Variants in PRKG1 observed in about 807,000 individuals in gnomAD.
PRKG1 encodes the protein cGMP-dependent protein kinase 1.
PRKG1 carries 35 observed loss-of-function variants against 88.1 expected under a neutral mutation model. That is an observed-to-expected ratio of 0.40 (90% CI 0.30 to 0.53). PRKG1 has a LOEUF of 0.53. PRKG1 is among the 20% of genes least tolerant of loss of function. The pLI, the probability that PRKG1 is intolerant of heterozygous loss-of-function variation, is 0.59. For missense variants in PRKG1, 540 were observed against 839.8 expected (o/e 0.64, Z 4.41); for synonymous variants, 303 against 292.5 (o/e 1.04, Z -0.37).
intron 8 of PRKG1, among the ~76,000 whole-genome samples, chr10:52,150,864 G>A (rs1163244631): frequency 6.6e-6 from 1 of 152,048 alleles, no homozygotes. Context: ...TTTCCCAGAA[G>A]CAGTTTTTAA....
chr10:52,039,530 C>G (rs944959008), intron 5 of PRKG1, among the ~76,000 whole-genome samples: 1 of 152,064 alleles, frequency 6.6e-6, no homozygotes, highest in African/African-American at 2.4e-5. Context: ...ACAGGGGATG[C>G]GATGGCTTGG....
chr10:51,468,176 T>G (rs1378334017), intron 3 of PRKG1, among the ~76,000 whole-genome samples: 2 of 151,890 alleles, frequency 1.3e-5, no homozygotes, highest in Non-Finnish European at 2.9e-5. Flanking sequence ...TTTAAGAAAT[T>G]TTTACATGTC....
intron 8 of PRKG1, among the ~76,000 whole-genome samples, chr10:52,148,213 C>A (rs79022061): frequency 6.6e-6 from 1 of 152,084 alleles, no homozygotes; most frequent in Non-Finnish European, 1.5e-5. Flanking sequence ...ATTGGCAATG[C>A]CTGGAGACAT....
chr10:51,231,711 T>C (rs1364506073), intron 2 of PRKG1, among the ~76,000 whole-genome samples: 1 of 129,856 alleles, frequency 7.7e-6, no homozygotes, highest in African/African-American at 3.3e-5. Flanking sequence ...ATCTGAAACA[T>C]TTTTTTTTTT....
intron 3 of PRKG1, among the ~76,000 whole-genome samples, chr10:51,758,639 C>T (rs900673547): frequency 6.6e-6 from 1 of 151,874 alleles, no homozygotes; most frequent in Non-Finnish European, 1.5e-5. Context: ...CTGTACCATG[C>T]CTCATTAGCA....
intron 10 of PRKG1, among the ~76,000 whole-genome samples, chr10:52,253,633 A>G (rs2132404548): frequency 6.6e-6 from 1 of 151,702 alleles, no homozygotes; most frequent in East Asian, 1.9e-4. Context: ...ATATATACAT[A>G]TATATGTACA....
At chr10:52,233,013 AAG>A (rs1361929907) in intron 9 of PRKG1, among the ~76,000 whole-genome samples, 3 of 152,204 alleles carry the variant, frequency 2.0e-5, no homozygotes, top group African/African-American at 7.2e-5. Context: ...CCCCATTGTT[AAG>A]ACTGGGAAAG....
chr10:51,078,935 G>A (rs530163725), intron 1 of PRKG1, among the ~76,000 whole-genome samples: 24 of 152,038 alleles, frequency 1.6e-4, no homozygotes, highest in Non-Finnish European at 3.4e-4. Context: ...TTTTAAGGAG[G>A]CATTCATTTT....
At chr10:51,344,999 G>C (rs1056616712) in intron 2 of PRKG1, among the ~76,000 whole-genome samples, 2 of 152,012 alleles carry the variant, frequency 1.3e-5, no homozygotes, top group African/African-American at 4.8e-5. Context: ...TTAATAGTTT[G>C]TTACAGACTA....
chr10:51,203,094 G>GGA (rs147929880), intron 2 of PRKG1, among the ~76,000 whole-genome samples: 132 of 150,220 alleles, frequency 8.8e-4, no homozygotes, highest in African/African-American at 2.5e-3. Context: ...GAATACAGAG[G>GGA]GAGAGAGAGA....
At chr10:52,165,925 G>C (rs1370722901) in intron 9 of PRKG1, among the ~76,000 whole-genome samples, 2 of 152,156 alleles carry the variant, frequency 1.3e-5, no homozygotes, top group Non-Finnish European at 2.9e-5. Context: ...CAGTAGAAGT[G>C]GTTCTCAAAA....
rs535626727 is a variant in PRKG1 at position 51,194,355 on chromosome 10, A to G, written c.478+41025A>G. 3.3e-5 allele frequency among the ~76,000 whole-genome samples: 5 copies of G among 151,906 alleles called. No individual in the cohort carries two copies. The East Asian group carries it at 9.7e-4, about 29-fold the overall frequency. On this transcript the variant is annotated intron_variant, in intron 2 of 17. Transcript: ENST00000373980. ...CTGCACCTATCAACCTGTCATCTGCATTAGGTATTTCTCCTAATGCTATCC... is the reference window on the plus strand; with the variant it reads ...CTGCACCTATCAACCTGTCATCTGCGTTAGGTATTTCTCCTAATGCTATCC...
chr10:52,085,397 TTCCAATTAATTA>T (rs1846887126), intron 7 of PRKG1, among the ~76,000 whole-genome samples: 1 of 152,142 alleles, frequency 6.6e-6, no homozygotes, highest in African/African-American at 2.4e-5. Flanking sequence ...ATTCTTTTCC[TTCCAATTAATTA>T]TCAATATGGA....
In PRKG1 at chr10:52,238,591, C is replaced by T. The variant is rs1031583375; in HGVS notation, c.1077-12979C>T. 4.6e-5 allele frequency among the ~76,000 whole-genome samples: 7 copies of T among 150,910 alleles called. No homozygotes were observed. The Admixed American group carries it at 4.7e-4, about 10-fold the overall frequency. ...AAAAATGCTCATCATCACTAGCCAT[C>T]AGAGAAATGCAAATCAAAACCACTA... On this transcript the variant is annotated intron_variant, in intron 9 of 17. Transcript: ENST00000373980.
intron 2 of PRKG1, among the ~76,000 whole-genome samples, chr10:51,247,682 T>C (rs938743184): frequency 6.6e-6 from 1 of 152,000 alleles, no homozygotes; most frequent in Non-Finnish European, 1.5e-5. Flanking sequence ...ATTTGTAGAA[T>C]GAATGATACA....
chr10:51,467,634 G>T (rs967293646), intron 2 of PRKG1, 89 bp from the exon 3 acceptor site: 3 of 972,290 alleles, frequency 3.1e-6, no homozygotes, highest in African/African-American at 3.3e-5. Context: ...TTTTACAAAT[G>T]AGCCTAACAC....
chr10:51,221,342 A>G (rs531118377), intron 2 of PRKG1, among the ~76,000 whole-genome samples: 6 of 152,112 alleles, frequency 3.9e-5, no homozygotes, highest in South Asian at 4.1e-4. Flanking sequence ...AGTTTAAATT[A>G]TCTCTGTATT....
chr10:51,159,160 T>C (rs1263925235), intron 2 of PRKG1, among the ~76,000 whole-genome samples: 1 of 152,106 alleles, frequency 6.6e-6, no homozygotes, highest in Non-Finnish European at 1.5e-5. Context: ...ACTGTCTTTA[T>C]ACAATTAAAT....
At chr10:51,620,689 T>C (rs555707203) in intron 3 of PRKG1, among the ~76,000 whole-genome samples, 1 of 152,198 alleles carries the variant, frequency 6.6e-6, no homozygotes, top group East Asian at 1.9e-4. Context: ...AGCACTCCTC[T>C]AGAGCTAAGT....
Sources: gnomAD v4.1 joint callset for allele counts (sites outside exome capture counted in the v4.1 genomes callset) on GRCh38, gnomAD v4.1.1 for gene constraint, MANE v1.5 for transcripts, NCBI Gene and HGNC (gene_info 2026-07-23, HGNC 2026-07-21) for gene names.